The following TRIM36 variants were observed in gnomAD, a reference collection of about 807,000 sequenced individuals.
TRIM36 encodes the protein tripartite motif containing 36, also known as E3 ubiquitin-protein ligase TRIM36.
A neutral mutation model predicts 72.4 loss-of-function variants in TRIM36; 42 were observed. The observed-to-expected ratio is 0.58, with a 90% CI of 0.45 to 0.75. TRIM36 has a LOEUF of 0.75. Ranked by LOEUF, TRIM36 falls within the 30% of genes least tolerant of loss-of-function variation. The pLI, the probability that TRIM36 is intolerant of heterozygous loss-of-function variation, is 0.00. For missense variants in TRIM36, 913 were observed against 857.1 expected, an observed-to-expected ratio of 1.07 and a Z score of -0.81; for synonymous variants, 315 against 282.8, an observed-to-expected ratio of 1.11 and a Z score of -1.14.
At chr5:115,134,266 A>G (rs1430009726) in intron 7 of TRIM36, 119 bp from the exon 8 acceptor site, 1 of 823,278 alleles carries the variant, frequency 1.2e-6, no homozygotes, top group South Asian at 4.0e-5. Flanking sequence ...ATACTTTTCT[A>G]AATTTATAAT....
chr5:115,135,477 AC>A, intron 7 of TRIM36, among the ~76,000 whole-genome samples: 1 of 136,224 alleles, frequency 7.3e-6, no homozygotes. Context: ...AACATAGCTT[AC>A]TAAAAAAAAA....
chr5:115,125,060 A>G lies in TRIM36; in HGVS notation c.*1443T>C, dbSNP rs1470098048. 6.6e-6 allele frequency: 1 copy of G among 152,530 alleles called. No homozygotes were observed. The highest frequency in any genetic ancestry group is 1.9e-4 in the East Asian group (1 of 5,200). The allele number at this position is 152,530 out of a possible 1,614,324, so 9.4% of individuals were successfully genotyped here. A position where few individuals can be genotyped will look rare whatever the true frequency, so the allele number is the denominator to read the frequency against. ...ACTGAAGTTCTCCATGATATTTGCT[A>G]CTTGAGTTGAGGGTAAAAAGCTAAT... is the stretch of plus-strand genomic sequence containing the variant. On this transcript the variant is annotated 3_prime_UTR_variant, in exon 10 of 10. Transcript: ENST00000513154.
rs532087928 is a variant in TRIM36, at chr5:115,124,900, G to A, written c.*1603C>T. 6.6e-6 allele frequency: 1 copy of A among 152,596 alleles called. No homozygotes were observed. The highest frequency in any genetic ancestry group is 6.5e-5 in the Admixed American group (1 of 15,288). 9.5% of individuals were successfully genotyped at this position (152,596 alleles called of 1,614,324 possible). On this transcript the variant is annotated 3_prime_UTR_variant, in exon 10 of 10. Transcript: ENST00000513154. Reference sequence around the variant, plus strand: ...GTCTACATCATATGTGCTTGTACAAGGCTTGAGTATCAACCACAAATGTGA... The same window carrying A: ...GTCTACATCATATGTGCTTGTACAAAGCTTGAGTATCAACCACAAATGTGA...
intron 1 of TRIM36, among the ~76,000 whole-genome samples, chr5:115,179,671 C>T (rs1377180957): frequency 2.6e-5 from 4 of 152,276 alleles, no homozygotes; most frequent in African/African-American, 7.2e-5. Flanking sequence ...CCCCGCCCTC[C>T]TCTCCATCTT....
chr5:115,126,098 A>G lies in TRIM36; in HGVS notation c.*405T>C, dbSNP rs1561414521. On this transcript the variant is annotated 3_prime_UTR_variant, in exon 10 of 10. Transcript: ENST00000513154. ...TTCCTATCCATAAGGCATTTAAAAA[A>G]TATCTTCTCTTAGGACATAAACATG... The G allele has an allele frequency of 6.0e-6, 1 of 166,442 alleles. No homozygotes were observed. The highest frequency in any genetic ancestry group is 1.3e-5 in the Non-Finnish European group (1 of 76,340). The allele number at this position is 166,442 out of a possible 1,614,324, so 10.3% of individuals were successfully genotyped here.
chr5:115,147,119 T>C lies in TRIM36; in HGVS notation c.538A>G (p.Ile180Val), dbSNP rs1421489887. 10 of 1,614,070 alleles carry C rather than the reference T, an allele frequency of 6.2e-6. No homozygotes were observed. The highest frequency in any genetic ancestry group is 3.3e-5 in the South Asian group (3 of 91,084). The stretch of plus-strand genomic sequence containing the variant: ...CCAACATACTCATGTTGAGCTTTTA[T>C]AGTACCCCAAGGGTGATGAATTTTG... ...CFKIHHPWGT[I>V]KAQHEYVGPT... Residue 180 changes from isoleucine to valine, a missense_variant, in exon 3 of 10, where the codon ATA becomes GTA. Coordinates refer to ENST00000513154, the MANE Select transcript of TRIM36 (RefSeq NM_001300759.2).
intron 2 of TRIM36, among the ~76,000 whole-genome samples, chr5:115,152,515 C>T (rs1753948507): frequency 6.6e-6 from 1 of 152,158 alleles, no homozygotes; most frequent in African/African-American, 2.4e-5. Flanking sequence ...ACAAAAAGCA[C>T]AAAGAACACC....
At chr5:115,150,126 T>C (rs971963555) in intron 2 of TRIM36, among the ~76,000 whole-genome samples, 2 of 152,196 alleles carry the variant, frequency 1.3e-5, no homozygotes, top group Non-Finnish European at 2.9e-5. Context: ...ATTTCTTTCA[T>C]TGTTTTCATA....
chr5:115,127,435 C>T (rs1752417711), intron 9 of TRIM36, among the ~76,000 whole-genome samples: 1 of 152,176 alleles, frequency 6.6e-6, no homozygotes, highest in African/African-American at 2.4e-5. Context: ...GTGGTGTACG[C>T]TTGTAGTCTC....
chr5:115,130,555 A>T, intron 9 of TRIM36, 37 bp downstream of exon 9: 1 of 1,559,612 alleles, frequency 6.4e-7, no homozygotes, highest in Non-Finnish European at 8.7e-7. Flanking sequence ...CTTACTTTTA[A>T]AAAATTATCA....
At chr5:115,165,573 C>T (rs1754719748) in intron 1 of TRIM36, among the ~76,000 whole-genome samples, 1 of 152,178 alleles carries the variant, frequency 6.6e-6, no homozygotes, top group South Asian at 2.1e-4. Flanking sequence ...GCACCAAGTC[C>T]CAGTGATGGC....
chr5:115,171,679 T>C (rs924737479), upstream of TRIM36, among the ~76,000 whole-genome samples: 1 of 152,228 alleles, frequency 6.6e-6, no homozygotes, highest in Non-Finnish European at 1.5e-5. Flanking sequence ...GTATAGACAA[T>C]ATTTTGGTGA....
intron 5 of TRIM36, among the ~76,000 whole-genome samples, chr5:115,140,071 C>G (rs1288814251): frequency 1.3e-5 from 2 of 152,026 alleles, no homozygotes; most frequent in Non-Finnish European, 2.9e-5. Flanking sequence ...AAAGAAAACC[C>G]CAAACTGCAT....
At chr5:115,168,247 C>T (rs1478000996) in intron 1 of TRIM36, among the ~76,000 whole-genome samples, 1 of 152,210 alleles carries the variant, frequency 6.6e-6, no homozygotes, top group East Asian at 1.9e-4. Flanking sequence ...CTCAATACTA[C>T]AGCCTTTCAT....
rs1390655681 is a variant in TRIM36, at chr5:115,125,724, A to G, written c.*779T>C. On this transcript the variant is annotated 3_prime_UTR_variant, in exon 10 of 10. Transcript: ENST00000513154. ...AACAAATATTTTCACAGAATAAGAAAAACTAAAGATAAATTTCTCTGAAAA... is the reference window on the plus strand; with the variant it reads ...AACAAATATTTTCACAGAATAAGAAGAACTAAAGATAAATTTCTCTGAAAA... The G allele has an allele frequency of 6.6e-6, 1 of 152,140 alleles. No individual in the cohort carries two copies. The highest frequency in any genetic ancestry group is 2.4e-5 in the African/African-American group (1 of 41,460). The allele number at this position is 152,140 out of a possible 1,614,324, so 9.4% of individuals were successfully genotyped here.
chr5:115,153,939 G>A (rs1223419798), intron 2 of TRIM36: 1 of 152,066 alleles, frequency 6.6e-6, no homozygotes, highest in Non-Finnish European at 1.5e-5. Context: ...GCCACAAAAT[G>A]AGCCTCAATA....
At position 115,177,950 on chromosome 5, in the gene TRIM36, C is replaced by T. The variant is rs572659372; in HGVS notation, c.63+2025G>A. 19 of 1,475,984 alleles carry T rather than the reference C, an allele frequency of 1.3e-5. No individual in the cohort carries two copies. The Admixed American group carries it at 2.7e-4, about 21-fold the overall frequency. The allele number at this position is 1,475,984 out of a possible 1,614,324, so 91.4% of individuals were successfully genotyped here. ...GCCAGAAAGTTAGTTTGTGTTTTTT[C>T]ATTATAGTGAGCATACTGTGATGAA... On this transcript the variant is annotated intron_variant, in intron 1 of 9. Transcript: ENST00000282369.
chr5:115,129,702 G>C (rs1269957591), intron 9 of TRIM36, among the ~76,000 whole-genome samples: 1 of 152,070 alleles, frequency 6.6e-6, no homozygotes. Context: ...TTCCTGGTTG[G>C]GATTTCATCA....
upstream of TRIM36, among the ~76,000 whole-genome samples, chr5:115,171,798 A>T (rs1248925336): frequency 1.3e-5 from 2 of 152,216 alleles, no homozygotes; most frequent in African/African-American, 4.8e-5. Flanking sequence ...GGCAAGTGTT[A>T]ATACACTTGG....
Sources: allele counts gnomAD v4.1 joint callset (sites outside exome capture counted in the v4.1 genomes callset), GRCh38; gene constraint gnomAD v4.1.1; transcripts MANE v1.5; gene names NCBI Gene and HGNC (gene_info 2026-07-23, HGNC 2026-07-21).